The following SYNE1 variants were observed in gnomAD, a reference collection of about 807,000 sequenced individuals.
SYNE1 encodes nesprin-1.
Under a neutral mutation model 1,111.0 loss-of-function variants are expected in SYNE1, and 616 were observed. The ratio of observed to expected loss-of-function variants is 0.55; its 90% CI spans 0.52 to 0.59. The LOEUF (loss-of-function observed/expected upper bound fraction) is 0.59, where lower values mean the gene tolerates loss of function less well. SYNE1 is among the 20% of genes least tolerant of loss of function. SYNE1 has a pLI of 0.00. For synonymous variants in SYNE1, 3,855 were observed against 3,825.8 expected (o/e 1.01, Z -0.28); for missense variants, 10,006 against 10,417.0 (o/e 0.96, Z 1.72).
In SYNE1 at chr6:152,364,955, G is replaced by T. The variant is rs150170988; in HGVS notation, c.10037C>A (p.Ser3346Tyr). 5.9e-3 allele frequency: 9,454 copies of T among 1,614,202 alleles called. 39 individuals are homozygous for T. Among genetic ancestry groups the T allele is most frequent in the Non-Finnish European group, 7.2e-3 (8,487 of 1,180,030 alleles). ...QMKMIVTRGE[S>Y]VLQNTSPEGI... ...TTCTGGAGAAGTATTCTGAAGGACAGATTCTCCCCTGGTCACTATCATTTT... is the reference window on the plus strand; with the variant it reads ...TTCTGGAGAAGTATTCTGAAGGACATATTCTCCCCTGGTCACTATCATTTT... The change falls in exon 63 of 146, where the codon TCT becomes TAT. Residue 3346 changes from serine (S) to tyrosine (Y), a missense_variant. Ser to Tyr is a moderately radical substitution (Grantham distance 144). This residue lies in a region of SYNE1 where 4,955 missense variants were observed against 5,017.2 expected (regional missense o/e 0.99). Transcript: ENST00000367255.
At chr6:152,296,805 G>C (rs1005209101) in intron 93 of SYNE1, among the ~76,000 whole-genome samples, 1 of 152,212 alleles carries the variant, frequency 6.6e-6, no homozygotes, top group African/African-American at 2.4e-5. Flanking sequence ...TTAAAGTAAT[G>C]CTAACAGAGG....
intron 130 of SYNE1, among the ~76,000 whole-genome samples, chr6:152,175,739 A>G (rs1038230440): frequency 2.6e-5 from 4 of 152,214 alleles, no homozygotes; most frequent in African/African-American, 9.6e-5. Context: ...TTTTTATAAC[A>G]TAGTGCATCA....
intron 127 of SYNE1, among the ~76,000 whole-genome samples, 179 bp downstream of exon 127, chr6:152,201,645 T>C (rs1563450882): frequency 2.0e-5 from 3 of 152,236 alleles, no homozygotes. Context: ...TAGTCTATAA[T>C]TTCATCAACT....
intron 123 of SYNE1, among the ~76,000 whole-genome samples, 197 bp from the exon 124 acceptor site, chr6:152,211,785 T>C (rs1002455363): frequency 1.5e-4 from 23 of 152,124 alleles, no homozygotes; most frequent in Non-Finnish European, 2.6e-4. Context: ...AAAGATAAAG[T>C]TTAGTGTTTG....
At position 152,256,725 on chromosome 6, in the gene SYNE1, A is replaced by AGT; in HGVS notation, c.19011_19012dup (p.Leu6338HisfsTer22). ...TTGGGTTGGCACGTCCCCTTTGTACAGTGGCACACCAGACAAGAGTCGATT... is the reference window on the plus strand; with the variant it reads ...TTGGGTTGGCACGTCCCCTTTGTACAGTGTGGCACACCAGACAAGAGTCGATT... On this transcript the variant is annotated frameshift_variant, in exon 102 of 146. Transcript: ENST00000367255. LOFTEE classifies it high-confidence loss of function. The AGT allele has an allele frequency of 6.2e-7, 1 of 1,614,064 alleles. No individual in the cohort carries two copies. The highest frequency in any genetic ancestry group is 1.1e-5 in the South Asian group (1 of 91,084).
At chr6:152,171,382 G>A (rs2763031) in intron 130 of SYNE1, among the ~76,000 whole-genome samples, 13 of 152,122 alleles carry the variant, frequency 8.5e-5, no homozygotes, top group African/African-American at 3.1e-4. Flanking sequence ...CAGCAAATAC[G>A]GGAGTGACTG....
At position 152,330,957 on chromosome 6, in the gene SYNE1, G is replaced by A. The variant is rs2153972521; in HGVS notation, c.13728C>T (p.His4576=). ...HFKEDFDKAC[H]WLKQADIVTF... is the part of the protein sequence containing the mutation. ...TAACAATATCTGCTTGTTTTAGCCA[G>A]TGGCAAGCTTTATCAAAATCTTCCT... Residue 4576 remains histidine (H), a synonymous_variant, in exon 78 of 146, where the codon CAC becomes CAT. Transcript: ENST00000367255. 2 of 1,614,176 alleles carry A rather than the reference G, an allele frequency of 1.2e-6. No individual in the cohort carries two copies. The highest frequency in any genetic ancestry group is 1.7e-6 in the Non-Finnish European group (2 of 1,180,038).
At chr6:152,174,128 G>A (rs1439829068) in intron 130 of SYNE1, among the ~76,000 whole-genome samples, 1 of 152,088 alleles carries the variant, frequency 6.6e-6, no homozygotes, top group Non-Finnish European at 1.5e-5. Context: ...CTAAAAGTAG[G>A]AAAATAATAT....
In SYNE1 at chr6:152,401,436, CCA is replaced by C. The variant is rs199924383; in HGVS notation, c.6826-97_6826-96del. The C allele has an allele frequency of 0.02, 24,624 of 1,244,552 alleles. 327 individuals carry two copies. The highest frequency in any genetic ancestry group is 0.034 in the Middle Eastern group (153 of 4,494). The allele number at this position is 1,244,552 out of a possible 1,614,324, so 77.1% of individuals were successfully genotyped here. On this transcript the variant is annotated intron_variant, in intron 46 of 145. Transcript: ENST00000367255. ...TTCACGTGCAGCTTAATTGTCAAAG[CCA>C]CACAAGTCTCATCATGGAAGCCAGC...
chr6:152,321,887 C>T lies in SYNE1; in HGVS notation c.15918-1G>A, dbSNP rs2095875970. ...ATTAGTCTTCACTTTCTCCTGCATG[C>T]TTCAGAAACATTACAGGGATAAAAC... On this transcript the variant is annotated splice_acceptor_variant, in intron 82 of 145. Transcript: ENST00000367255. LOFTEE classifies it high-confidence loss of function. 8 of 1,614,034 alleles carry T rather than the reference C, an allele frequency of 5.0e-6. No homozygotes were observed. The highest frequency in any genetic ancestry group is 1.7e-4 in the Middle Eastern group (1 of 6,058).
At chr6:152,596,791 C>T (rs2099583233) in intron 3 of SYNE1, among the ~76,000 whole-genome samples, 1 of 152,184 alleles carries the variant, frequency 6.6e-6, no homozygotes, top group Non-Finnish European at 1.5e-5. Context: ...TTCTTCTTAT[C>T]ATCTTCCCTT....
Position 152,122,054 on chromosome 6 carries a change from T to C in SYNE1, c.*382A>G, listed in dbSNP as rs1327923879. ...TGACATGGTGCTTGGGAGGGTCATT[T>C]ATCTGATGGTTGGAGCAGCACCATG... On this transcript the variant is annotated 3_prime_UTR_variant, in exon 146 of 146. Transcript: ENST00000367255. 2 of 305,754 alleles carry C rather than the reference T, an allele frequency of 6.5e-6. No individual in the cohort carries two copies. Among genetic ancestry groups the C allele is most frequent in the Non-Finnish European group, 1.3e-5 (2 of 158,524 alleles). 18.9% of individuals were successfully genotyped at this position (305,754 alleles called of 1,614,324 possible). A position where few individuals can be genotyped will look rare whatever the true frequency, so the allele number is the denominator to read the frequency against.
At chr6:152,598,793 T>C (rs1051156204) in intron 3 of SYNE1, among the ~76,000 whole-genome samples, 6 of 152,234 alleles carry the variant, frequency 3.9e-5, no homozygotes, top group Non-Finnish European at 7.3e-5. Context: ...ACATTCAATA[T>C]GTGATCTATC....
chr6:152,513,482 C>T (rs947247802), intron 6 of SYNE1, among the ~76,000 whole-genome samples: 1 of 152,026 alleles, frequency 6.6e-6, no homozygotes, highest in Admixed American at 6.6e-5. Flanking sequence ...TACAGGCATG[C>T]GCCACCACAC....
At chr6:152,272,998 G>A (rs1228594221) in intron 98 of SYNE1, among the ~76,000 whole-genome samples, 1 of 152,132 alleles carries the variant, frequency 6.6e-6, no homozygotes, top group Non-Finnish European at 1.5e-5. Context: ...CTTCCAGGAA[G>A]CTCTAATTAT....
At chr6:152,502,054 T>C (rs955563403) in intron 10 of SYNE1, among the ~76,000 whole-genome samples, 1 of 152,086 alleles carries the variant, frequency 6.6e-6, no homozygotes, top group Non-Finnish European at 1.5e-5. Flanking sequence ...ATACAGAAAA[T>C]TTTTTCCTTT....
At position 152,208,028 on chromosome 6, in the gene SYNE1, GA is replaced by G; in HGVS notation, c.22767del (p.Leu7590SerfsTer34). ...LVEVSYLPMS[G>X]LGSVPIPLQQ... ...TGCAGTGGTATAGGAACACTTCCGA[GA>G]CCACTCATGGGGAGGTAGGACACTT... On this transcript the variant is annotated frameshift_variant, in exon 125 of 146. Transcript: ENST00000367255. LOFTEE classifies it high-confidence loss of function. The G allele has an allele frequency of 6.2e-7, 1 of 1,614,144 alleles. No homozygotes were observed. Among genetic ancestry groups the G allele is most frequent in the Non-Finnish European group, 8.5e-7 (1 of 1,180,030 alleles).
At position 152,442,233 on chromosome 6, in the gene SYNE1, G is replaced by T. The variant is rs140780725; in HGVS notation, c.3850C>A (p.Arg1284=). 1.9e-6 allele frequency: 3 copies of T among 1,612,788 alleles called. No individual in the cohort carries two copies. The highest frequency in any genetic ancestry group is 4.5e-5 in the East Asian group (2 of 44,896). The part of the protein sequence containing the change: ...LLLHHQQKTK[R]ISAKKRDVQQ... Reference sequence around the variant, plus strand: ...ACATCTCTCTTCTTTGCTGAGATCCGCTTTGTCTTTTGCTAGAAGCATTTA... The same window carrying T: ...ACATCTCTCTTCTTTGCTGAGATCCTCTTTGTCTTTTGCTAGAAGCATTTA... The change falls in exon 31 of 146, where the codon CGG becomes AGG. Residue 1284 remains arginine (R), a synonymous_variant. Coordinates refer to ENST00000367255, the MANE Select transcript of SYNE1 (RefSeq NM_182961.4).
At position 152,439,961 on chromosome 6, in the gene SYNE1, C is replaced by T. The variant is rs556624240; in HGVS notation, c.4149+1169G>A. On this transcript the variant is annotated intron_variant, in intron 32 of 145. Coordinates refer to ENST00000367255, the MANE Select transcript of SYNE1 (RefSeq NM_182961.4). ...ATGCCCCATTGGAGTCTCAAAATCG[C>T]TACCTCCAAAATGAAGTTGGTCATC... Among the ~76,000 whole-genome samples the T allele has an allele frequency of 2.7e-4, 41 of 152,282 alleles. No individual in the cohort carries two copies. The South Asian group carries it at 8.3e-3, about 31-fold the overall frequency.
Sources: gnomAD v4.1 joint callset for allele counts (sites outside exome capture counted in the v4.1 genomes callset) on GRCh38, gnomAD v4.1.1 for gene constraint, gnomAD v4.1.1 regional missense constraint, MANE v1.5 for transcripts, NCBI Gene and HGNC (gene_info 2026-07-23, HGNC 2026-07-21) for gene names.